The following EPHA5 variants were observed in gnomAD, a reference collection of about 807,000 sequenced individuals.
EPHA5 encodes the protein EPH receptor A5.
In EPHA5, 60 loss-of-function variants were observed where a neutral mutation model predicts 105.0. The observed-to-expected ratio is 0.57, with a 90% CI of 0.46 to 0.71. EPHA5 has a LOEUF of 0.71. EPHA5 is among the 30% of genes least tolerant of loss of function. The pLI, the probability that EPHA5 is intolerant of heterozygous loss-of-function variation, is 0.00. For synonymous variants in EPHA5, 513 were observed against 449.1 expected (o/e 1.14, Z -1.80); for missense variants, 1,218 against 1,274.7 (o/e 0.96, Z 0.68).
In EPHA5 at chr4:65,496,938, C is replaced by A. The variant is rs574343132; in HGVS notation, c.911-1395G>T. On this transcript the variant is annotated intron_variant, in intron 3 of 16. Coordinates refer to ENST00000613740, the MANE Select transcript of EPHA5 (RefSeq NM_001281766.3). The stretch of plus-strand genomic sequence containing the variant: ...CTATGAGCATTTCTAAGCTTATCAT[C>A]AGGTAAATGCGCATGAAGTAAATCT... Among the ~76,000 whole-genome samples, 13 of 152,272 alleles carry A rather than the reference C, an allele frequency of 8.5e-5. No individual in the cohort carries two copies. The South Asian group carries it at 1.4e-3, about 17-fold the overall frequency.
chr4:65,558,676 A>G (rs974888097), intron 3 of EPHA5, among the ~76,000 whole-genome samples: 1 of 151,970 alleles, frequency 6.6e-6, no homozygotes, highest in African/African-American at 2.4e-5. Context: ...TATATCTCCT[A>G]ATGCTCCCTC....
At chr4:65,662,302 T>C (rs1239502768) in intron 1 of EPHA5, among the ~76,000 whole-genome samples, 1 of 152,168 alleles carries the variant, frequency 6.6e-6, no homozygotes, top group Non-Finnish European at 1.5e-5. Flanking sequence ...GCAAAGCATA[T>C]GTAAAATATT....
At chr4:65,333,409 A>G (rs1720836627) in intron 15 of EPHA5, among the ~76,000 whole-genome samples, 1 of 151,538 alleles carries the variant, frequency 6.6e-6, no homozygotes, top group Non-Finnish European at 1.5e-5. Flanking sequence ...TTTTCAAACT[A>G]CAAAATGACT....
chr4:65,633,180 T>C lies in EPHA5; in HGVS notation c.246+10183A>G, dbSNP rs554266811. On this transcript the variant is annotated intron_variant, in intron 2 of 16. Coordinates refer to ENST00000613740, the MANE Select transcript of EPHA5 (RefSeq NM_001281766.3). ...CAAAAAACTTCAAAAGCAAGAGGAG[T>C]CTCTCTTCCCCTGCTGCCTTTAATG... Among the ~76,000 whole-genome samples the C allele has an allele frequency of 6.6e-5, 10 of 151,252 alleles. No homozygotes were observed. In the South Asian group the frequency reaches 2.1e-3, roughly 32 times the overall value.
At chr4:65,627,634 C>A (rs1342382306) in intron 2 of EPHA5, among the ~76,000 whole-genome samples, 3 of 152,108 alleles carry the variant, frequency 2.0e-5, no homozygotes, top group Admixed American at 6.6e-5. Context: ...AAAGATATCT[C>A]ATGATAGCAT....
In EPHA5 at chr4:65,477,065, T is replaced by C. The variant is rs1037658172; in HGVS notation, c.1402+13312A>G. ...TATGAACTATTTTAACAATCACGAG[T>C]GGTAAGAACTGTTGTGCTCCTAAGA... On this transcript the variant is annotated intron_variant, in intron 5 of 16. Coordinates refer to ENST00000613740, the MANE Select transcript of EPHA5 (RefSeq NM_001281766.3). Among the ~76,000 whole-genome samples the C allele has an allele frequency of 9.2e-5, 14 of 152,138 alleles. No individual in the cohort carries two copies. In the South Asian group the frequency reaches 2.7e-3, roughly 29 times the overall value.
chr4:65,478,393 T>C (rs1730037041), intron 5 of EPHA5, among the ~76,000 whole-genome samples: 1 of 152,246 alleles, frequency 6.6e-6, no homozygotes, highest in Non-Finnish European at 1.5e-5. Context: ...TTTCAGTTTA[T>C]GTTTTGATGA....
chr4:65,415,737 A>T (rs1047088576), intron 6 of EPHA5, among the ~76,000 whole-genome samples: 1 of 152,032 alleles, frequency 6.6e-6, no homozygotes, highest in African/African-American at 2.4e-5. Flanking sequence ...TAGGTAATTA[A>T]ATCTTGTAAA....
chr4:65,449,764 A>G (rs1404137854), intron 5 of EPHA5, among the ~76,000 whole-genome samples: 1 of 152,142 alleles, frequency 6.6e-6, no homozygotes, highest in Non-Finnish European at 1.5e-5. Context: ...CATACAAAAG[A>G]GAGATTTGGA....
chr4:65,472,601 T>TG (rs779950940), intron 5 of EPHA5, among the ~76,000 whole-genome samples: 40 of 152,344 alleles, frequency 2.6e-4, no homozygotes, highest in Admixed American at 2.6e-4. Context: ...CGCTAAGGCT[T>TG]GGGGCTTGCA....
chr4:65,648,275 G>T (rs1394195315), intron 1 of EPHA5, among the ~76,000 whole-genome samples: 1 of 152,144 alleles, frequency 6.6e-6, no homozygotes, highest in Non-Finnish European at 1.5e-5. Context: ...ATTCTAACTT[G>T]TTCTGTATCA....
rs1418028644 is a variant in EPHA5, at chr4:65,502,953, G to A, written c.911-7410C>T. ...AACCATAAAAAAAGAACAAAATCAT[G>A]TCCTTTGCAGCAACATGGATGTGAC... is the stretch of plus-strand genomic sequence containing the variant. On this transcript the variant is annotated intron_variant, in intron 3 of 16. Transcript: ENST00000613740. Among the ~76,000 whole-genome samples, 3 of 151,800 alleles carry A rather than the reference G, an allele frequency of 2.0e-5. No individual in the cohort carries two copies. The Admixed American group carries it at 2.0e-4, about 10-fold the overall frequency.
At chr4:65,540,786 C>T (rs1393862212) in intron 3 of EPHA5, among the ~76,000 whole-genome samples, 2 of 149,948 alleles carry the variant, frequency 1.3e-5, no homozygotes, top group African/African-American at 4.9e-5. Flanking sequence ...TCTCTTCCCC[C>T]ATCCCCTCTC....
intron 5 of EPHA5, among the ~76,000 whole-genome samples, chr4:65,449,434 A>G (rs1291807967): frequency 6.6e-6 from 1 of 152,312 alleles, no homozygotes; most frequent in East Asian, 1.9e-4. Context: ...AATAAATTTA[A>G]TTCTATGTAT....
At chr4:65,420,777 A>C (rs1380482802) in intron 5 of EPHA5, among the ~76,000 whole-genome samples, 2 of 152,102 alleles carry the variant, frequency 1.3e-5, no homozygotes, top group Non-Finnish European at 2.9e-5. Context: ...TCATAATAAA[A>C]CTATTTGTAT....
intron 5 of EPHA5, among the ~76,000 whole-genome samples, chr4:65,450,110 T>C (rs1417668818): frequency 6.6e-6 from 1 of 152,166 alleles, no homozygotes; most frequent in Non-Finnish European, 1.5e-5. Flanking sequence ...TTTTAAATAT[T>C]TTTTTTACTA....
intron 3 of EPHA5, among the ~76,000 whole-genome samples, chr4:65,497,686 ATTTCT>A (rs1317678904): frequency 1.2e-4 from 18 of 152,126 alleles, no homozygotes; most frequent in African/African-American, 4.1e-4. Flanking sequence ...AACAAAAGTC[ATTTCT>A]TTTCTTTTTA....
intron 6 of EPHA5, 44 bp downstream of exon 6, chr4:65,420,397 A>C: frequency 6.6e-7 from 1 of 1,506,318 alleles, no homozygotes; most frequent in Non-Finnish European, 8.9e-7. Flanking sequence ...GCTAAAATGA[A>C]AAAAAAAAGA....
At chr4:65,443,905 CTGTGTGTG>C (rs57129731) in intron 5 of EPHA5, among the ~76,000 whole-genome samples, 1 of 149,942 alleles carries the variant, frequency 6.7e-6, no homozygotes, top group Non-Finnish European at 1.5e-5. Flanking sequence ...GTTTGTGTGC[CTGTGTGTG>C]TGTGTGTGTG....
Sources: allele counts gnomAD v4.1 joint callset (sites outside exome capture counted in the v4.1 genomes callset), GRCh38; gene constraint gnomAD v4.1.1; transcripts MANE v1.5; gene names NCBI Gene and HGNC (gene_info 2026-07-23, HGNC 2026-07-21).